The following MAPK10 variants were observed in gnomAD, a reference collection of about 807,000 sequenced individuals.
MAPK10 encodes mitogen-activated protein kinase 10, also known as JNK3 alpha protein kinase.
A neutral mutation model predicts 59.3 loss-of-function variants in MAPK10; 25 were observed. The observed-to-expected ratio is 0.42, with a 90% confidence interval of 0.31 to 0.59. The LOEUF (loss-of-function observed/expected upper bound fraction) is 0.59. MAPK10 is among the 20% of genes least tolerant of loss of function. The pLI, the probability that MAPK10 is intolerant of heterozygous loss-of-function variation, is 0.15. For synonymous variants in MAPK10, 190 were observed against 200.5 expected (o/e 0.95, Z 0.44); for missense variants, 351 against 568.9 (o/e 0.62, Z 3.90).
At chr4:86,350,547 C>T (rs541995953) in intron 2 of MAPK10, among the ~76,000 whole-genome samples, 82 of 152,174 alleles carry the variant, frequency 5.4e-4, no homozygotes, top group Non-Finnish European at 9.6e-4. Context: ...CAGGGTTTCA[C>T]CATGTTGGCC....
intron 2 of MAPK10, among the ~76,000 whole-genome samples, chr4:86,224,711 C>G (rs1476545549): frequency 6.6e-6 from 1 of 152,096 alleles, no homozygotes; most frequent in Non-Finnish European, 1.5e-5. Context: ...TTTCTTTGCT[C>G]CCCAAATTTA....
chr4:86,198,656 T>G (rs908216345), intron 2 of MAPK10, among the ~76,000 whole-genome samples: 1 of 151,936 alleles, frequency 6.6e-6, no homozygotes, highest in Non-Finnish European at 1.5e-5. Flanking sequence ...GAAAATATGG[T>G]TGACTGTTTC....
At chr4:86,260,775 T>C (rs908391923) in intron 2 of MAPK10, among the ~76,000 whole-genome samples, 47 of 152,152 alleles carry the variant, frequency 3.1e-4, no homozygotes, top group African/African-American at 9.4e-4. Context: ...ATAAGAAATA[T>C]TTTATCCAAA....
chr4:86,164,130 G>A (rs929159182), intron 3 of MAPK10, among the ~76,000 whole-genome samples: 1 of 152,114 alleles, frequency 6.6e-6, no homozygotes, highest in Admixed American at 6.6e-5. Context: ...TGATATAGCT[G>A]AAAACAGCAC....
intron 2 of MAPK10, among the ~76,000 whole-genome samples, chr4:86,286,113 T>A (rs1209996299): frequency 1.3e-5 from 2 of 152,234 alleles, no homozygotes; most frequent in Non-Finnish European, 2.9e-5. Context: ...TCCCTTAGCC[T>A]AATTAAGTTG....
intron 2 of MAPK10, among the ~76,000 whole-genome samples, chr4:86,312,479 G>A (rs1218354619): frequency 3.3e-5 from 5 of 152,172 alleles, no homozygotes; most frequent in African/African-American, 1.2e-4. Context: ...ACTTCTGGTT[G>A]AAAGGTGAAT....
chr4:86,138,384 C>T (rs1581075442), intron 4 of MAPK10, among the ~76,000 whole-genome samples: 2 of 90,208 alleles, frequency 2.2e-5, no homozygotes, highest in African/African-American at 7.5e-5. Flanking sequence ...GTTCAATATA[C>T]GCAAATCAAT....
At chr4:86,289,653 G>T (rs2095155494) in intron 2 of MAPK10, among the ~76,000 whole-genome samples, 1 of 149,752 alleles carries the variant, frequency 6.7e-6, no homozygotes, top group Non-Finnish European at 1.5e-5. Context: ...TTATATGTAT[G>T]TTATAATGCA....
chr4:86,392,301 C>T (rs11932806), intron 1 of MAPK10: 73,236 of 151,942 alleles, frequency 0.48, 17,690 homozygotes, highest in Admixed American at 0.52. Flanking sequence ...TAGCTGGTCA[C>T]GCTGGCGCAC....
At chr4:86,236,781 G>T (rs1383774368) in intron 2 of MAPK10, among the ~76,000 whole-genome samples, 2 of 152,156 alleles carry the variant, frequency 1.3e-5, no homozygotes, top group Non-Finnish European at 1.5e-5. Flanking sequence ...AAGCAGGGAA[G>T]AAGGTGAATG....
chr4:86,116,672 T>G (rs1458287307), intron 4 of MAPK10, among the ~76,000 whole-genome samples: 1 of 152,232 alleles, frequency 6.6e-6, no homozygotes, highest in Non-Finnish European at 1.5e-5. Flanking sequence ...CTCTGTCTGG[T>G]ACTTCCTCCT....
chr4:86,440,843 G>A (rs1749329902), intron 1 of MAPK10, among the ~76,000 whole-genome samples: 1 of 152,136 alleles, frequency 6.6e-6, no homozygotes, highest in Non-Finnish European at 1.5e-5. Context: ...GTGCATATGA[G>A]TGGGTGTTCG....
intron 1 of MAPK10, among the ~76,000 whole-genome samples, chr4:86,570,345 A>G (rs1309763376): frequency 6.6e-6 from 1 of 152,182 alleles, no homozygotes; most frequent in Non-Finnish European, 1.5e-5. Context: ...AATATTACAG[A>G]TAAATCTGAT....
At chr4:86,176,236 G>A (rs1358338851) in intron 3 of MAPK10, among the ~76,000 whole-genome samples, 1 of 152,066 alleles carries the variant, frequency 6.6e-6, no homozygotes, top group East Asian at 1.9e-4. Context: ...GATTACCTAA[G>A]AACATAATAT....
At position 86,072,094 on chromosome 4, in the gene MAPK10, A is replaced by T. The variant is rs539031371; in HGVS notation, c.803-4139T>A. ...GAGCAGTGGTTTGTAGTTCTCCTTG[A>T]AGAGGTCCTTCACATCCCTTGTAAG... On this transcript the variant is annotated intron_variant, in intron 9 of 13. Coordinates refer to ENST00000641462, the MANE Select transcript of MAPK10 (RefSeq NM_138982.4). Among the ~76,000 whole-genome samples the T allele has an allele frequency of 8.7e-5, 13 of 149,766 alleles. No homozygotes were observed. The South Asian group carries it at 2.8e-3, about 32-fold the overall frequency.
intron 3 of MAPK10, chr4:86,192,953 G>T (rs2149312878): frequency 6.6e-6 from 1 of 152,256 alleles, no homozygotes; most frequent in Non-Finnish European, 1.5e-5. Context: ...TTCAGATGGG[G>T]TTTTTGTGTG....
At chr4:86,126,146 C>T (rs2060037601) in intron 4 of MAPK10, among the ~76,000 whole-genome samples, 1 of 152,104 alleles carries the variant, frequency 6.6e-6, no homozygotes, top group Non-Finnish European at 1.5e-5. Context: ...GCACTGCCAA[C>T]TATGCATGAC....
chr4:86,138,649 C>T (rs1352430848), intron 4 of MAPK10, among the ~76,000 whole-genome samples: 3 of 148,742 alleles, frequency 2.0e-5, no homozygotes, highest in African/African-American at 7.4e-5. Context: ...CCTCTCTCAC[C>T]ACTCCTATTC....
chr4:86,566,638 G>C (rs541129276), intron 1 of MAPK10, among the ~76,000 whole-genome samples: 1 of 152,036 alleles, frequency 6.6e-6, no homozygotes, highest in South Asian at 2.1e-4. Flanking sequence ...TTGCTTGAAC[G>C]CAGGTGACGG....
Sources: gnomAD v4.1 joint callset for allele counts (sites outside exome capture counted in the v4.1 genomes callset) on GRCh38, gnomAD v4.1.1 for gene constraint, MANE v1.5 for transcripts, NCBI Gene and HGNC (gene_info 2026-07-23, HGNC 2026-07-21) for gene names.